The following VIRMA variants were observed in gnomAD, a reference collection of about 807,000 sequenced individuals.
VIRMA encodes the protein protein virilizer homolog.
A neutral mutation model predicts 182.4 loss-of-function variants in VIRMA; 65 were observed. The observed-to-expected ratio is 0.36, with a 90% CI of 0.29 to 0.44. The LOEUF (loss-of-function observed/expected upper bound fraction) is 0.44, where lower values mean the gene tolerates loss of function less well. Ranked by LOEUF, VIRMA falls within the 20% of genes least tolerant of loss-of-function variation. VIRMA has a pLI of 1.00. For synonymous variants in VIRMA, 709 were observed against 743.1 expected, an observed-to-expected ratio of 0.95 and a Z score of 0.75; for missense variants, 1,752 against 2,158.1, an observed-to-expected ratio of 0.81 and a Z score of 3.73.
chr8:94,489,848 C>A, intron 23 of VIRMA, 91 bp downstream of exon 23: 3 of 1,406,812 alleles, frequency 2.1e-6, no homozygotes, highest in South Asian at 2.7e-5. Context: ...GAGATTAGCA[C>A]CCCTAGCCCC....
rs1814988122 is a variant in VIRMA, at chr8:94,526,830, G to C, written c.1414C>G (p.Gln472Glu). ...LVSSLAECGA[Q>E]GVTGLLQAGV... is the part of the protein sequence containing the mutation. ...GCTTGTAGCAGTCCTGTAACTCCTT[G>C]AGCCCCACATTCTGCTAGTGAGGAC... Residue 472 changes from glutamine (Q) to glutamate (E), a missense_variant, in exon 8 of 24, where the codon CAA becomes GAA. Around this residue, in one of 11 missense-constraint regions of VIRMA, gnomAD observed 401 missense variants for 455.1 expected, o/e 0.88. Transcript: ENST00000297591. 1 of 1,614,130 alleles carries C rather than the reference G, an allele frequency of 6.2e-7. No individual in the cohort carries two copies. The highest frequency in any genetic ancestry group is 8.5e-7 in the Non-Finnish European group (1 of 1,180,024).
At chr8:94,490,913 G>C (rs1248057835) in intron 22 of VIRMA, among the ~76,000 whole-genome samples, 1 of 151,792 alleles carries the variant, frequency 6.6e-6, no homozygotes, top group South Asian at 2.1e-4. Context: ...AAGCAGATTA[G>C]GCAGATCAAT....
chr8:94,505,426 A>G (rs1024334912), intron 16 of VIRMA, among the ~76,000 whole-genome samples: 1 of 152,122 alleles, frequency 6.6e-6, no homozygotes, highest in African/African-American at 2.4e-5. Context: ...GAAAAATTAG[A>G]GTAGAAATTA....
At chr8:94,515,824 G>A (rs950383131) in intron 10 of VIRMA, among the ~76,000 whole-genome samples, 11 of 151,766 alleles carry the variant, frequency 7.2e-5, no homozygotes, top group African/African-American at 2.4e-4. Context: ...AGGGCTGGGC[G>A]TGGTGACTCA....
Position 94,543,926 on chromosome 8 carries a change from T to C in VIRMA, c.80A>G (p.Asp27Gly). The change falls in exon 2 of 24, where the codon GAT becomes GGT. Residue 27 changes from aspartate (D) to glycine (G), a missense_variant. Around this residue, in one of 11 missense-constraint regions of VIRMA, gnomAD observed 195 missense variants for 191.7 expected, o/e 1.02. Coordinates refer to ENST00000297591, the MANE Select transcript of VIRMA (RefSeq NM_015496.5). ...AACCACACATGGAAAACGAACCACA[T>C]CTATATGAGAACTTTGCTGTAACAA... ...HPSAEQSSHI[D>G]VVRFPCVVYI... 2 of 1,606,736 alleles carry C rather than the reference T, an allele frequency of 1.2e-6. No homozygotes were observed. The highest frequency in any genetic ancestry group is 1.7e-6 in the Non-Finnish European group (2 of 1,174,400).
At chr8:94,529,025 A>G in intron 7 of VIRMA, 45 bp downstream of exon 7, 1 of 1,598,222 alleles carries the variant, frequency 6.3e-7, no homozygotes, top group Non-Finnish European at 8.6e-7. Context: ...GTATCGAGTT[A>G]GTTTCTAGTA....
intron 16 of VIRMA, among the ~76,000 whole-genome samples, chr8:94,501,255 C>CA (rs55726504): frequency 0.016 from 1,161 of 72,702 alleles, 37 homozygotes; most frequent in African/African-American, 0.034. Context: ...GATTCCATCT[C>CA]AAAAAAAAAA....
intron 17 of VIRMA, 44 bp from the exon 18 acceptor site, chr8:94,496,524 T>G: frequency 6.6e-7 from 1 of 1,504,244 alleles, no homozygotes; most frequent in Middle Eastern, 1.7e-4. Flanking sequence ...CAGAGAAATT[T>G]ACAAAGATGC....
At position 94,488,532 on chromosome 8, in the gene VIRMA, T is replaced by C. The variant is rs1292826726; in HGVS notation, c.*174A>G. The C allele has an allele frequency of 1.9e-6, 1 of 534,296 alleles. No homozygotes were observed. Among genetic ancestry groups the C allele is most frequent in the African/African-American group, 1.9e-5 (1 of 53,034 alleles). 33.1% of individuals were successfully genotyped at this position (534,296 alleles called of 1,614,324 possible). ...ATATATACAAACGTACATACAAAGT[T>C]TGGATTTTTATTGAAATCTTGTTAG... On this transcript the variant is annotated 3_prime_UTR_variant, in exon 24 of 24. Transcript: ENST00000297591.
At chr8:94,552,525 C>T (rs896608419) in intron 1 of VIRMA, among the ~76,000 whole-genome samples, 1 of 151,216 alleles carries the variant, frequency 6.6e-6, no homozygotes, top group Non-Finnish European at 1.5e-5. Flanking sequence ...AAGAACAGTT[C>T]TCTAAATTAA....
At position 94,550,012 on chromosome 8, in the gene VIRMA, G is replaced by A. The variant is rs138285139; in HGVS notation, c.63+3373C>T. On this transcript the variant is annotated intron_variant, in intron 1 of 23. Transcript: ENST00000297591. ...CTCGGGAGGCTGAGATGGAAGGATCGATTGAGCCCTGGTGGGAGAAATTGC... is the reference window on the plus strand; with the variant it reads ...CTCGGGAGGCTGAGATGGAAGGATCAATTGAGCCCTGGTGGGAGAAATTGC... Among the ~76,000 whole-genome samples the A allele has an allele frequency of 4.5e-3, 689 of 151,760 alleles. 3 individuals are homozygous for A. The highest frequency in any genetic ancestry group is 0.031 in the Middle Eastern group (9 of 294).
At chr8:94,532,188 C>A (rs1815195288) in intron 5 of VIRMA, among the ~76,000 whole-genome samples, 1 of 152,190 alleles carries the variant, frequency 6.6e-6, no homozygotes, top group Admixed American at 6.5e-5. Context: ...CTTACTGCAG[C>A]CTCCACCACC....
At chr8:94,515,582 G>C (rs1176328211) in intron 10 of VIRMA, among the ~76,000 whole-genome samples, 1 of 151,042 alleles carries the variant, frequency 6.6e-6, no homozygotes, top group Non-Finnish European at 1.5e-5. Flanking sequence ...ATGTTGCCCA[G>C]TCTGGTCTCA....
intron 1 of VIRMA, 72 bp downstream of exon 1, chr8:94,553,313 G>C: frequency 1.4e-6 from 2 of 1,438,654 alleles, no homozygotes; most frequent in Non-Finnish European, 9.8e-7. Context: ...GAAAAGTGGA[G>C]AACGCCTAAC....
At chr8:94,551,881 C>T (rs1302439263) in intron 1 of VIRMA, among the ~76,000 whole-genome samples, 1 of 152,134 alleles carries the variant, frequency 6.6e-6, no homozygotes, top group Non-Finnish European at 1.5e-5. Flanking sequence ...CAAACCACCA[C>T]AACTAGTTAA....
chr8:94,510,487 C>A lies in VIRMA; in HGVS notation c.3556G>T (p.Asp1186Tyr). The change falls in exon 14 of 24, where the codon GAC becomes TAC. Residue 1186 changes from aspartate (D) to tyrosine (Y), a missense_variant. Asp to Tyr is a radical substitution (Grantham distance 160). Coordinates refer to ENST00000297591, the MANE Select transcript of VIRMA (RefSeq NM_015496.5). ...AGAAGTGCAGTTGGTGAGGCAAGGT[C>A]ACACAATTGAACACAAATACGCCGT... ...MLRRICVQLC[D>Y]LASPTALLIM... 6.2e-7 allele frequency: 1 copy of A among 1,614,094 alleles called. No individual in the cohort carries two copies. The highest frequency in any genetic ancestry group is 8.5e-7 in the Non-Finnish European group (1 of 1,180,018).
Position 94,492,638 on chromosome 8 carries a change from G to A in VIRMA, c.4808+14C>T. ...TGTGATGACATTTGAGATCTTCAGT[G>A]GAATAAATTTTACCTTGACGTTATA... On this transcript the variant is annotated intron_variant, in intron 21 of 23. Transcript: ENST00000297591. 6.2e-7 allele frequency: 1 copy of A among 1,604,350 alleles called. No homozygotes were observed. Among genetic ancestry groups the A allele is most frequent in the Non-Finnish European group, 8.5e-7 (1 of 1,172,354 alleles).
chr8:94,533,614 C>CTTTTTTTTTTTTTT (rs60590655), intron 5 of VIRMA: 1 of 119,530 alleles, frequency 8.4e-6, no homozygotes, highest in African/African-American at 3.2e-5. Flanking sequence ...CTAATTCTTT[C>CTTTTTTTTTTTTTT]TTTTTTTTTT....
At position 94,495,802 on chromosome 8, in the gene VIRMA, T is replaced by C; in HGVS notation, c.4473A>G (p.Leu1491=). 6.2e-7 allele frequency: 1 copy of C among 1,613,880 alleles called. No homozygotes were observed. The highest frequency in any genetic ancestry group is 8.5e-7 in the Non-Finnish European group (1 of 1,179,848). The change falls in exon 19 of 24, where the codon TTA becomes TTG. Residue 1491 remains leucine, a synonymous_variant. Coordinates refer to ENST00000297591, the MANE Select transcript of VIRMA (RefSeq NM_015496.5). ...GTTCTACATCCTGGTCACTGAGAGGTAAAGGGTCACCTGATGACTCCAGCA... is the reference window on the plus strand; with the variant it reads ...GTTCTACATCCTGGTCACTGAGAGGCAAAGGGTCACCTGATGACTCCAGCA... The part of the protein sequence containing the change: ...KQMLESSGDP[L]PLSDQDVEPV...
Sources: allele counts gnomAD v4.1 joint callset (sites outside exome capture counted in the v4.1 genomes callset), GRCh38; gene constraint gnomAD v4.1.1; regional missense constraint gnomAD v4.1.1; transcripts MANE v1.5; gene names NCBI Gene and HGNC (gene_info 2026-07-23, HGNC 2026-07-21).